Variants in ATP2B1 observed in about 807,000 individuals in gnomAD.
ATP2B1 encodes plasma membrane calcium-transporting ATPase 1.
Under a neutral mutation model 124.2 loss-of-function variants are expected in ATP2B1, and 14 were observed. The observed-to-expected ratio is 0.11, with a 90% confidence interval of 0.07 to 0.18. The LOEUF (loss-of-function observed/expected upper bound fraction) is 0.18, where lower values mean the gene tolerates loss of function less well. Ranked by LOEUF, ATP2B1 falls within the 10% of genes least tolerant of loss-of-function variation. The pLI is 1.00. For synonymous variants in ATP2B1, 449 were observed against 492.4 expected (o/e 0.91, Z 1.17); for missense variants, 763 against 1,466.1 (o/e 0.52, Z 7.83).
intron 14 of ATP2B1, 141 bp downstream of exon 14, chr12:89,610,280 T>C (rs950182315): frequency 1.2e-5 from 10 of 800,676 alleles, no homozygotes; most frequent in Admixed American, 8.1e-5. Flanking sequence ...TTACCTAAGG[T>C]ATCAAAGGAA....
chr12:89,648,687 G>A (rs1884833946), intron 2 of ATP2B1, among the ~76,000 whole-genome samples: 1 of 152,238 alleles, frequency 6.6e-6, no homozygotes, highest in East Asian at 1.9e-4. Flanking sequence ...GACTAAAAGA[G>A]AGCTGAGTGC....
intron 1 of ATP2B1, among the ~76,000 whole-genome samples, chr12:89,685,187 AG>A (rs1889818272): frequency 1.0e-5 from 1 of 98,216 alleles, no homozygotes; most frequent in South Asian, 4.8e-4. Flanking sequence ...GGTGATAAGT[AG>A]TCTGGGACTT....
chr12:89,696,444 G>A (rs754577085), intron 1 of ATP2B1, among the ~76,000 whole-genome samples: 16 of 152,118 alleles, frequency 1.1e-4, no homozygotes, highest in Non-Finnish European at 2.1e-4. Flanking sequence ...CAAGGGACTA[G>A]CCATAGGATA....
At chr12:89,667,606 T>C (rs745425890) in intron 1 of ATP2B1, among the ~76,000 whole-genome samples, 5 of 152,188 alleles carry the variant, frequency 3.3e-5, no homozygotes, top group Non-Finnish European at 5.9e-5. Context: ...TTCTTACCAG[T>C]CCCAAAGGTA....
At chr12:89,645,332 T>C (rs1240542204) in intron 2 of ATP2B1, among the ~76,000 whole-genome samples, 1 of 152,250 alleles carries the variant, frequency 6.6e-6, no homozygotes, top group Non-Finnish European at 1.5e-5. Flanking sequence ...ACGAACAGTT[T>C]TGTAACAATA....
intron 1 of ATP2B1, among the ~76,000 whole-genome samples, chr12:89,672,008 G>C (rs1307911283): frequency 1.3e-5 from 2 of 152,160 alleles, no homozygotes; most frequent in Admixed American, 1.3e-4. Context: ...AGATACCTCA[G>C]TATCATCATT....
At chr12:89,664,512 A>C (rs1336132793) in intron 1 of ATP2B1, among the ~76,000 whole-genome samples, 1 of 152,230 alleles carries the variant, frequency 6.6e-6, no homozygotes, top group Non-Finnish European at 1.5e-5. Flanking sequence ...TTACAAAACC[A>C]AAAACAATCC....
intron 11 of ATP2B1, among the ~76,000 whole-genome samples, chr12:89,618,910 C>T (rs1406091564): frequency 1.3e-5 from 2 of 152,158 alleles, no homozygotes; most frequent in Non-Finnish European, 2.9e-5. Context: ...ATATCTTAAA[C>T]ATTTACTTTA....
At chr12:89,592,430 C>T (rs1413460524) in intron 20 of ATP2B1, among the ~76,000 whole-genome samples, 2 of 151,968 alleles carry the variant, frequency 1.3e-5, no homozygotes, top group Non-Finnish European at 2.9e-5. Flanking sequence ...ATGAATAATA[C>T]ATTTCTTCAA....
chr12:89,614,101 C>A (rs1878524928), intron 12 of ATP2B1, among the ~76,000 whole-genome samples: 1 of 152,194 alleles, frequency 6.6e-6, no homozygotes, highest in Admixed American at 6.5e-5. Flanking sequence ...AGACTGATGT[C>A]TTCCAAAGAA....
At chr12:89,653,446 G>A (rs866433534) in intron 2 of ATP2B1, among the ~76,000 whole-genome samples, 9 of 151,436 alleles carry the variant, frequency 5.9e-5, no homozygotes, top group Middle Eastern at 3.4e-3. Flanking sequence ...ACAGGCGCCC[G>A]CCACCGCGCC....
intron 11 of ATP2B1, among the ~76,000 whole-genome samples, chr12:89,617,758 T>C (rs2136057242): frequency 6.6e-6 from 1 of 152,278 alleles, no homozygotes; most frequent in East Asian, 1.9e-4. Context: ...TTTCCATCAC[T>C]GCTGAAAAAT....
chr12:89,703,424 G>A (rs1321695820), intron 1 of ATP2B1, among the ~76,000 whole-genome samples: 3 of 152,162 alleles, frequency 2.0e-5, no homozygotes, highest in African/African-American at 4.8e-5. Flanking sequence ...TCTACTTGCT[G>A]TTTTTGAAAG....
intron 1 of ATP2B1, among the ~76,000 whole-genome samples, chr12:89,700,427 T>C (rs972079180): frequency 2.0e-4 from 31 of 152,212 alleles, no homozygotes; most frequent in Admixed American, 1.8e-3. Flanking sequence ...AGTTCATGAG[T>C]CATTTTTTAA....
intron 1 of ATP2B1, among the ~76,000 whole-genome samples, chr12:89,688,066 C>T (rs1415865604): frequency 6.6e-6 from 1 of 152,024 alleles, no homozygotes; most frequent in Non-Finnish European, 1.5e-5. Context: ...AAATCCAGAG[C>T]TCCTATGTAA....
At chr12:89,610,677 T>A (rs1877829516) in intron 13 of ATP2B1, 169 bp from the exon 14 acceptor site, 1 of 602,018 alleles carries the variant, frequency 1.7e-6, no homozygotes, top group Non-Finnish European at 2.9e-6. Flanking sequence ...CAGATCTATC[T>A]TAGCGAATAC....
chr12:89,638,651 GCTAT>G (rs1883053950), intron 3 of ATP2B1, among the ~76,000 whole-genome samples: 1 of 152,170 alleles, frequency 6.6e-6, no homozygotes, highest in Non-Finnish European at 1.5e-5. Flanking sequence ...TCATCAAAAT[GCTAT>G]CTATGTGAAT....
At chr12:89,636,682 G>C (rs1048070295) in intron 3 of ATP2B1, among the ~76,000 whole-genome samples, 2 of 152,006 alleles carry the variant, frequency 1.3e-5, no homozygotes, top group Non-Finnish European at 2.9e-5. Context: ...AATCTGGGAG[G>C]GAAGACAGGG....
At chr12:89,632,067 T>C (rs1023588176) in intron 5 of ATP2B1, among the ~76,000 whole-genome samples, 2 of 152,212 alleles carry the variant, frequency 1.3e-5, no homozygotes, top group African/African-American at 4.8e-5. Flanking sequence ...CACATCTCTA[T>C]ATCTTTTCTT....
Sources: gnomAD v4.1 joint callset for allele counts (sites outside exome capture counted in the v4.1 genomes callset) on GRCh38, gnomAD v4.1.1 for gene constraint, MANE v1.5 for transcripts, NCBI Gene and HGNC (gene_info 2026-07-23, HGNC 2026-07-21) for gene names.